The following CRHR2 variants were observed in gnomAD, a reference collection of about 807,000 sequenced individuals.
CRHR2 encodes the protein corticotropin-releasing hormone receptor 2.
A neutral mutation model predicts 57.9 loss-of-function variants in CRHR2; 53 were observed. The ratio of observed to expected loss-of-function variants is 0.92; its 90% CI spans 0.73 to 1.15. The LOEUF (loss-of-function observed/expected upper bound fraction) is 1.15. CRHR2 is among the 50% of genes most tolerant of loss of function. The pLI is 0.00. For synonymous variants in CRHR2, 213 were observed against 220.9 expected (o/e 0.96, Z 0.32); for missense variants, 532 against 542.6 (o/e 0.98, Z 0.19).
intron 1 of CRHR2, among the ~76,000 whole-genome samples, chr7:30,694,429 G>T (rs141836156): frequency 6.6e-6 from 1 of 152,322 alleles, no homozygotes; most frequent in East Asian, 1.9e-4. Flanking sequence ...TGTGCCCGGG[G>T]CCCCGACAGG....
chr7:30,696,704 A>G (rs955982146), intron 1 of CRHR2, among the ~76,000 whole-genome samples: 1 of 152,224 alleles, frequency 6.6e-6, no homozygotes, highest in Non-Finnish European at 1.5e-5. Flanking sequence ...AGCCTGGGCA[A>G]CAGAGTGAGA....
At chr7:30,688,943 C>T (rs1382439357) in intron 2 of CRHR2, 8 of 608,972 alleles carry the variant, frequency 1.3e-5, no homozygotes, top group Admixed American at 4.3e-5. Flanking sequence ...TGACTTCCAT[C>T]GTGGGAGCTG....
chr7:30,695,532 T>A (rs1022889519), intron 1 of CRHR2, among the ~76,000 whole-genome samples: 1 of 151,362 alleles, frequency 6.6e-6, no homozygotes, highest in Non-Finnish European at 1.5e-5. Context: ...GAACACTGAC[T>A]GGAGTAGGAG....
chr7:30,700,062 G>C, exon 1 of CRHR2: 2 of 1,366,278 alleles, frequency 1.5e-6, no homozygotes, highest in Non-Finnish European at 1.9e-6. Context: ...TTAGGGACTG[G>C]AGCCTGCTGC....
chr7:30,682,492 G>C, upstream of CRHR2: 1 of 1,307,688 alleles, frequency 7.6e-7, no homozygotes, highest in Non-Finnish European at 9.7e-7. Context: ...CGAGTGCACG[G>C]AGCTGCGGGT....
In CRHR2 at chr7:30,696,984, G is replaced by A. The variant is rs142972706; in HGVS notation, c.-261+2960C>T. On this transcript the variant is annotated intron_variant, in intron 1 of 13. Transcript: ENST00000341843. ...AAACACCAACAAAATGGCAAAACTA[G>A]AGACTAAATTAGCTAGTGAGGCTAG... Among the ~76,000 whole-genome samples, 716 of 152,254 alleles carry A rather than the reference G, an allele frequency of 4.7e-3. 9 individuals are homozygous for A. The highest frequency in any genetic ancestry group is 0.016 in the African/African-American group (670 of 41,546).
In CRHR2 at chr7:30,665,475, G is replaced by A; in HGVS notation, c.425+55C>T. ...GGTGAGAATGTCTGGGAGAGGTGAA[G>A]GGGGTGCTGTAGGGGGAGGGATGAG... On this transcript the variant is annotated intron_variant, in intron 4 of 11. Coordinates refer to ENST00000471646, the MANE Select transcript of CRHR2 (RefSeq NM_001883.5). This position sits in a 1 kb window ranked among gnomAD's most constrained non-coding sequence, Gnocchi z 4.5. 2.9e-6 allele frequency: 4 copies of A among 1,388,234 alleles called. No individual in the cohort carries two copies. The highest frequency in any genetic ancestry group is 4.0e-6 in the Non-Finnish European group (4 of 1,000,070). The allele number at this position is 1,388,234 out of a possible 1,614,324, so 86.0% of individuals were successfully genotyped here. A position where few individuals can be genotyped will look rare whatever the true frequency, so the allele number is the denominator to read the frequency against.
At position 30,653,690 on chromosome 7, in the gene CRHR2, T is replaced by C; in HGVS notation, c.1096-90A>G. ...CTCCTCTGCTTTCTGCTCTCATGGG[T>C]CGACTGCCACCCTCATGACAAGGAA... On this transcript the variant is annotated intron_variant, in intron 11 of 11. Coordinates refer to ENST00000471646, the MANE Select transcript of CRHR2 (RefSeq NM_001883.5). The surrounding 1 kb of genome is among the most constrained non-coding windows in gnomAD (Gnocchi z 5.0). 1 of 1,442,284 alleles carries C rather than the reference T, an allele frequency of 6.9e-7. No individual in the cohort carries two copies. Among genetic ancestry groups the C allele is most frequent in the African/African-American group, 1.4e-5 (1 of 70,480 alleles). The allele number at this position is 1,442,284 out of a possible 1,614,324, so 89.3% of individuals were successfully genotyped here. A position where few individuals can be genotyped will look rare whatever the true frequency, so the allele number is the denominator to read the frequency against.
In CRHR2 at chr7:30,666,197, C is replaced by A. The variant is rs569459853; in HGVS notation, c.316-558G>T. 7.2e-5 allele frequency among the ~76,000 whole-genome samples: 11 copies of A among 152,004 alleles called. No homozygotes were observed. In the South Asian group the frequency reaches 2.3e-3, roughly 32 times the overall value. On this transcript the variant is annotated intron_variant, in intron 3 of 11. Transcript: ENST00000471646. ...CTGGACCTCAGTTTTGATGTCTATA[C>A]AATGGGGCCAACCTGCCATCCTACC... is the stretch of plus-strand genomic sequence containing the variant.
chr7:30,661,876 G>A (rs751807298), intron 7 of CRHR2, among the ~76,000 whole-genome samples: 3 of 152,224 alleles, frequency 2.0e-5, no homozygotes, highest in Non-Finnish European at 4.4e-5. Context: ...ATCCAAGTCT[G>A]AGGAGGCCTT....
chr7:30,696,943 T>C (rs1562814028), intron 1 of CRHR2, among the ~76,000 whole-genome samples: 1 of 149,452 alleles, frequency 6.7e-6, no homozygotes, highest in African/African-American at 2.4e-5. Flanking sequence ...CAGACAGATT[T>C]AAAAAAAAAA....
Position 30,654,969 on chromosome 7 carries a change from A to G in CRHR2, c.1095+70T>C, listed in dbSNP as rs373808354. 67 of 1,582,280 alleles carry G rather than the reference A, an allele frequency of 4.2e-5. No homozygotes were observed. In the African/African-American group the frequency reaches 4.5e-4, roughly 11 times the overall value. ...ACTCCAGCAAGGCCGGGCAGCACCA[A>G]TGGAGCTGCCCTGGAGTGGGGTCTG... On this transcript the variant is annotated intron_variant, in intron 11 of 11. Transcript: ENST00000471646.
intron 5 of CRHR2, among the ~76,000 whole-genome samples, chr7:30,664,110 C>T (rs1313045088): frequency 6.6e-6 from 1 of 152,192 alleles, no homozygotes; most frequent in Non-Finnish European, 1.5e-5. Context: ...CTAGAAGGCA[C>T]CCTCAACTCG....
chr7:30,673,948 C>A (rs2128145349), intron 2 of CRHR2, among the ~76,000 whole-genome samples: 1 of 152,274 alleles, frequency 6.6e-6, no homozygotes, highest in East Asian at 1.9e-4. Flanking sequence ...GGAAAGGCAT[C>A]CCCAGGGCCC....
At chr7:30,697,221 C>T (rs1785075959) in intron 1 of CRHR2, among the ~76,000 whole-genome samples, 2 of 152,122 alleles carry the variant, frequency 1.3e-5, no homozygotes, top group African/African-American at 4.8e-5. Flanking sequence ...GTTGAGCCTT[C>T]TTGGGGCAGA....
In CRHR2 at chr7:30,665,687, G is replaced by T; in HGVS notation, c.316-48C>A. On this transcript the variant is annotated intron_variant, in intron 3 of 11. Coordinates refer to ENST00000471646, the MANE Select transcript of CRHR2 (RefSeq NM_001883.5). This position sits in a 1 kb window ranked among gnomAD's most constrained non-coding sequence, Gnocchi z 4.5. ...GGCAGATGGAGGCATGGGCACGTGG[G>T]GGTGGGGCTGGGTATTCCAGCCGTG... The T allele has an allele frequency of 6.8e-7, 1 of 1,469,324 alleles. No homozygotes were observed. 91.0% of individuals were successfully genotyped at this position (1,469,324 alleles called of 1,614,324 possible).
chr7:30,688,748 A>C, intron 2 of CRHR2: 1 of 454,422 alleles, frequency 2.2e-6, no homozygotes, highest in Non-Finnish European at 4.4e-6. Context: ...GACCCTGTGA[A>C]TCAGCCACTG....
rs1784151776 is a variant in CRHR2 at position 30,665,494 on chromosome 7, G to A, written c.425+36C>T. 5.3e-6 allele frequency: 8 copies of A among 1,497,524 alleles called. No homozygotes were observed. Among genetic ancestry groups the A allele is most frequent in the Non-Finnish European group, 7.3e-6 (8 of 1,097,740 alleles). 92.8% of individuals were successfully genotyped at this position (1,497,524 alleles called of 1,614,324 possible). Reference sequence around the variant, plus strand: ...GGTGAAGGGGGTGCTGTAGGGGGAGGGATGAGGAGAAAGCAAGGCGGAAGG... The same window carrying A: ...GGTGAAGGGGGTGCTGTAGGGGGAGAGATGAGGAGAAAGCAAGGCGGAAGG... On this transcript the variant is annotated intron_variant, in intron 4 of 11. Transcript: ENST00000471646. The surrounding 1 kb of genome is among the most constrained non-coding windows in gnomAD (Gnocchi z 4.5).
chr7:30,690,721 T>C (rs531735204), intron 1 of CRHR2, among the ~76,000 whole-genome samples: 8 of 152,290 alleles, frequency 5.3e-5, no homozygotes, highest in African/African-American at 1.9e-4. Flanking sequence ...CTGGAGCTTC[T>C]AATGAATGAC....
Sources: allele counts gnomAD v4.1 joint callset (sites outside exome capture counted in the v4.1 genomes callset), GRCh38; gene constraint gnomAD v4.1.1; non-coding constraint Gnocchi (gnomAD v3.1); transcripts MANE v1.5; gene names NCBI Gene and HGNC (gene_info 2026-07-23, HGNC 2026-07-21).